The following NCKAP1L variants were observed in gnomAD, a reference collection of about 807,000 sequenced individuals.
NCKAP1L encodes the protein NCK associated protein 1 like.
A neutral mutation model predicts 139.2 loss-of-function variants in NCKAP1L; 53 were observed. That is an observed-to-expected ratio of 0.38 (90% CI 0.31 to 0.48). NCKAP1L has a LOEUF of 0.48. Among genes scored for constraint, NCKAP1L ranks in the 20% least tolerant of loss-of-function variants. NCKAP1L has a pLI of 0.98. For missense variants in NCKAP1L, 1,151 were observed against 1,381.9 expected (o/e 0.83, Z 2.65); for synonymous variants, 468 against 499.7 (o/e 0.94, Z 0.85).
chr12:54,526,855 C>A, intron 21 of NCKAP1L, 109 bp downstream of exon 21: 3 of 835,372 alleles, frequency 3.6e-6, no homozygotes, highest in Non-Finnish European at 5.8e-6. Context: ...TCATAGACTC[C>A]AAAATGGAGG....
At chr12:54,530,673 G>A (rs1957061067) in intron 22 of NCKAP1L, among the ~76,000 whole-genome samples, 2 of 152,346 alleles carry the variant, frequency 1.3e-5, no homozygotes, top group African/African-American at 4.8e-5. Flanking sequence ...CCCTGCTGTG[G>A]TTAAGTGGCT....
rs1285884256 is a variant in NCKAP1L, at chr12:54,547,221, G to C, written c.*4536G>C. 2 of 152,100 alleles carry C rather than the reference G, an allele frequency of 1.3e-5. No homozygotes were observed. The highest frequency in any genetic ancestry group is 2.9e-5 in the Non-Finnish European group (2 of 68,036). 9.4% of individuals were successfully genotyped at this position (152,100 alleles called of 1,614,324 possible). A position where few individuals can be genotyped will look rare whatever the true frequency, so the allele number is the denominator to read the frequency against. On this transcript the variant is annotated 3_prime_UTR_variant, in exon 31 of 31. Transcript: ENST00000293373. ...AGCAAGGTAGAAATGGGATTGTATT[G>C]CAACAAGAGGAATGAGGTTGAGACT...
chr12:54,527,845 T>C (rs530464369), intron 21 of NCKAP1L, among the ~76,000 whole-genome samples: 12 of 152,326 alleles, frequency 7.9e-5, no homozygotes, highest in Middle Eastern at 3.4e-3. Flanking sequence ...GGTACCTCTT[T>C]GCCCAGGAGG....
At position 54,519,270 on chromosome 12, in the gene NCKAP1L, C is replaced by T; in HGVS notation, c.1563C>T (p.His521=). The T allele has an allele frequency of 1.9e-6, 3 of 1,589,952 alleles. No homozygotes were observed. The highest frequency in any genetic ancestry group is 2.6e-6 in the Non-Finnish European group (3 of 1,173,746). The stretch of plus-strand genomic sequence containing the variant: ...AGGTGATGAACCTCATTGTCTTCCA[C>T]TCCCGAATGCTGGACTCCGTAGAAA... ...LAKVMNLIVF[H]SRMLDSVEKL... The change falls in exon 16 of 31, where the codon CAC becomes CAT. Residue 521 remains histidine (H), a synonymous_variant. Transcript: ENST00000293373.
chr12:54,522,005 A>C (rs899308976), intron 18 of NCKAP1L, among the ~76,000 whole-genome samples: 5 of 152,124 alleles, frequency 3.3e-5, no homozygotes, highest in African/African-American at 7.2e-5. Flanking sequence ...TTCTTTACAG[A>C]AGTGTCTTAA....
intron 29 of NCKAP1L, among the ~76,000 whole-genome samples, 173 bp downstream of exon 29, chr12:54,537,226 C>T (rs1338307172): frequency 6.6e-6 from 1 of 152,162 alleles, no homozygotes; most frequent in Non-Finnish European, 1.5e-5. Flanking sequence ...TTCTAAATTT[C>T]CTAACAGCTG....
intron 16 of NCKAP1L, among the ~76,000 whole-genome samples, chr12:54,520,178 A>G (rs75677587): frequency 2.0e-3 from 301 of 152,324 alleles, no homozygotes; most frequent in African/African-American, 6.9e-3. Context: ...TATAATACCT[A>G]TATGTGAAAA....
chr12:54,530,892 G>A (rs1203897054), intron 22 of NCKAP1L, among the ~76,000 whole-genome samples: 3 of 152,170 alleles, frequency 2.0e-5, no homozygotes, highest in Admixed American at 6.5e-5. Context: ...AGTAAACCAG[G>A]CTCAGAGAGG....
chr12:54,515,236 C>T (rs1395136343), intron 9 of NCKAP1L, among the ~76,000 whole-genome samples: 1 of 152,054 alleles, frequency 6.6e-6, no homozygotes, highest in African/African-American at 2.4e-5. Context: ...AGATACTTTC[C>T]AACACCAAAC....
intron 3 of NCKAP1L, 109 bp from the exon 4 acceptor site, chr12:54,507,744 G>T: frequency 3.1e-6 from 3 of 958,218 alleles, no homozygotes; most frequent in South Asian, 2.8e-5. Flanking sequence ...TCTGTTACTT[G>T]GTGGCTTTCT....
chr12:54,530,081 G>A (rs1254135926), intron 22 of NCKAP1L, among the ~76,000 whole-genome samples: 3 of 152,256 alleles, frequency 2.0e-5, no homozygotes, highest in Non-Finnish European at 4.4e-5. Context: ...ACAAGACTCT[G>A]TGTCAGTGGC....
chr12:54,539,238 G>A (rs1169831032), intron 30 of NCKAP1L, among the ~76,000 whole-genome samples: 2 of 152,236 alleles, frequency 1.3e-5, no homozygotes, highest in Admixed American at 6.5e-5. Context: ...GTCCTGCAAT[G>A]TTCCCGAGTC....
intron 20 of NCKAP1L, 120 bp downstream of exon 20, chr12:54,524,076 C>G (rs1957008213): frequency 2.9e-6 from 3 of 1,044,240 alleles, no homozygotes; most frequent in Non-Finnish European, 2.8e-6. Flanking sequence ...GGTGGTCATG[C>G]CACACGGTGG....
chr12:54,532,120 A>G, intron 25 of NCKAP1L, 50 bp from the exon 26 acceptor site: 1 of 1,295,696 alleles, frequency 7.7e-7, no homozygotes, highest in Non-Finnish European at 1.1e-6. Context: ...CCTATTTTTG[A>G]AGGCATTGGT....
chr12:54,529,163 G>A (rs1592349604), intron 22 of NCKAP1L, among the ~76,000 whole-genome samples: 1 of 152,148 alleles, frequency 6.6e-6, no homozygotes, highest in Non-Finnish European at 1.5e-5. Flanking sequence ...TAAGGAACTT[G>A]CCTAAGTCCA....
intron 28 of NCKAP1L, chr12:54,536,685 A>G: frequency 2.6e-6 from 1 of 386,114 alleles, no homozygotes; most frequent in African/African-American, 2.2e-5. Flanking sequence ...AGAAAAGAAA[A>G]GGAACAAAAC....
chr12:54,501,868 G>A (rs528817501), intron 3 of NCKAP1L, among the ~76,000 whole-genome samples: 1 of 152,176 alleles, frequency 6.6e-6, no homozygotes, highest in African/African-American at 2.4e-5. Context: ...GGTGCATAAG[G>A]GCTATAATTC....
intron 18 of NCKAP1L, 27 bp downstream of exon 18, chr12:54,521,265 C>T (rs772085313): frequency 1.9e-6 from 3 of 1,611,726 alleles, no homozygotes; most frequent in Non-Finnish European, 2.5e-6. Context: ...CTGTTTCACT[C>T]TCCCCTCTGC....
rs531788212 is a variant in NCKAP1L, at chr12:54,544,859, C to G, written c.*2174C>G. On this transcript the variant is annotated 3_prime_UTR_variant, in exon 31 of 31. Coordinates refer to ENST00000293373, the MANE Select transcript of NCKAP1L (RefSeq NM_005337.5). ...ACTAAAAATACCAAAACTAGCCGGGCGTGGTGGTGCATGCCTGTAGTCCCA... is the reference window on the plus strand; with the variant it reads ...ACTAAAAATACCAAAACTAGCCGGGGGTGGTGGTGCATGCCTGTAGTCCCA... 3 of 152,312 alleles carry G rather than the reference C, an allele frequency of 2.0e-5. No individual in the cohort carries two copies. Among genetic ancestry groups the G allele is most frequent in the Admixed American group, 6.5e-5 (1 of 15,300 alleles). 9.4% of individuals were successfully genotyped at this position (152,312 alleles called of 1,614,324 possible).
Sources: gnomAD v4.1 joint callset for allele counts (sites outside exome capture counted in the v4.1 genomes callset) on GRCh38, gnomAD v4.1.1 for gene constraint, MANE v1.5 for transcripts, NCBI Gene and HGNC (gene_info 2026-07-23, HGNC 2026-07-21) for gene names.